The following RPS6KC1 variants were observed in gnomAD, a reference collection of about 807,000 sequenced individuals.
RPS6KC1 encodes the protein ribosomal protein S6 kinase C1.
A neutral mutation model predicts 103.8 loss-of-function variants in RPS6KC1; 54 were observed. The ratio of observed to expected loss-of-function variants is 0.52; its 90% CI spans 0.42 to 0.65. The LOEUF (loss-of-function observed/expected upper bound fraction) is 0.65. Ranked by LOEUF, RPS6KC1 falls within the 30% of genes least tolerant of loss-of-function variation. The pLI is 0.00. For synonymous variants in RPS6KC1, 439 were observed against 438.7 expected, an observed-to-expected ratio of 1.00 and a Z score of -0.01; for missense variants, 1,151 against 1,253.8, an observed-to-expected ratio of 0.92 and a Z score of 1.24.
chr1:213,861,100 T>C, the RPS6KC1 span, among the ~76,000 whole-genome samples: 1 of 152,182 alleles, frequency 6.6e-6, no homozygotes. Context: ...TGAGTCACCA[T>C]GCCCAGCTAA....
intron 8 of RPS6KC1, among the ~76,000 whole-genome samples, chr1:213,193,464 A>G (rs2092825207): frequency 6.6e-6 from 1 of 151,848 alleles, no homozygotes; most frequent in Non-Finnish European, 1.5e-5. Context: ...GTTTTACCAC[A>G]TTGGTCAGGC....
At chr1:213,494,905 A>T in the RPS6KC1 span, among the ~76,000 whole-genome samples, 1 of 150,962 alleles carries the variant, frequency 6.6e-6, no homozygotes, top group African/African-American at 2.4e-5. Context: ...TGATAATTTT[A>T]AAATCCTTTA....
chr1:213,233,156 T>C (rs2094143749), intron 10 of RPS6KC1, among the ~76,000 whole-genome samples: 1 of 152,178 alleles, frequency 6.6e-6, no homozygotes, highest in South Asian at 2.1e-4. Flanking sequence ...ATGGGGGCAG[T>C]AAACAATTAA....
chr1:213,646,791 A>G, the RPS6KC1 span, among the ~76,000 whole-genome samples: 3,249 of 152,072 alleles, frequency 0.021, 120 homozygotes, highest in African/African-American at 0.075. Context: ...CCCTCAGCAC[A>G]TGGGATAGAC....
intron 2 of RPS6KC1, 69 bp downstream of exon 2, chr1:213,071,110 AT>A: frequency 1.1e-6 from 1 of 933,960 alleles, no homozygotes; most frequent in South Asian, 1.6e-5. Context: ...TTTTGAGGAA[AT>A]TGCCTGAATC....
chr1:213,052,727 A>C (rs1011062492), intron 1 of RPS6KC1, among the ~76,000 whole-genome samples: 1 of 152,072 alleles, frequency 6.6e-6, no homozygotes, highest in African/African-American at 2.4e-5. Context: ...TTTTTAGTAG[A>C]GATGGGGTTT....
At chr1:213,668,208 C>G in the RPS6KC1 span, among the ~76,000 whole-genome samples, 1 of 151,828 alleles carries the variant, frequency 6.6e-6, no homozygotes, top group South Asian at 2.1e-4. Flanking sequence ...CTATTTATGA[C>G]AGCTAAAGCC....
the RPS6KC1 span, among the ~76,000 whole-genome samples, chr1:213,483,560 T>G: frequency 6.6e-6 from 1 of 152,228 alleles, no homozygotes; most frequent in African/African-American, 2.4e-5. Context: ...CTGCCAAACT[T>G]TTTCAAAGGG....
chr1:213,105,216 G>GTTT (rs79795539), intron 4 of RPS6KC1, among the ~76,000 whole-genome samples: 60 of 131,186 alleles, frequency 4.6e-4, no homozygotes, highest in African/African-American at 1.4e-3. Context: ...TTCATTTTAA[G>GTTT]TTTTTTTTTT....
chr1:213,164,811 C>G (rs1352378654), intron 6 of RPS6KC1, among the ~76,000 whole-genome samples: 2 of 152,186 alleles, frequency 1.3e-5, no homozygotes, highest in Non-Finnish European at 2.9e-5. Context: ...TCAAGCAGTT[C>G]TCTCACCTTG....
the RPS6KC1 span, among the ~76,000 whole-genome samples, chr1:213,734,014 A>G: frequency 6.6e-6 from 1 of 152,244 alleles, no homozygotes; most frequent in African/African-American, 2.4e-5. Flanking sequence ...CATCTTCCTA[A>G]TGGAAAAAAG....
intron 3 of RPS6KC1, among the ~76,000 whole-genome samples, chr1:213,088,369 A>AT (rs1031983337): frequency 1.6e-4 from 24 of 145,766 alleles, no homozygotes; most frequent in East Asian, 4.0e-4. Flanking sequence ...ATGGCTAATA[A>AT]TTTTTTTTTT....
chr1:213,277,436 A>G (rs772116419), downstream of RPS6KC1, among the ~76,000 whole-genome samples: 16 of 152,208 alleles, frequency 1.1e-4, no homozygotes, highest in Non-Finnish European at 2.4e-4. Context: ...TAAGAGAGAA[A>G]GTAACCTGAG....
At chr1:213,610,008 G>C in the RPS6KC1 span, among the ~76,000 whole-genome samples, 5 of 152,042 alleles carry the variant, frequency 3.3e-5, no homozygotes, top group Admixed American at 1.3e-4. Context: ...ATACATACAT[G>C]AACTTTTTCA....
At chr1:213,235,036 C>T (rs911457426) in intron 10 of RPS6KC1, among the ~76,000 whole-genome samples, 3 of 152,264 alleles carry the variant, frequency 2.0e-5, no homozygotes, top group East Asian at 1.9e-4. Context: ...GTGGCACCTC[C>T]GTAGATTAGG....
At chr1:213,326,715 A>G in the RPS6KC1 span, among the ~76,000 whole-genome samples, 2 of 152,242 alleles carry the variant, frequency 1.3e-5, no homozygotes, top group Middle Eastern at 3.2e-3. Flanking sequence ...GAAGAAAGGA[A>G]TAAATTACTT....
At chr1:213,657,283 G>T in the RPS6KC1 span, among the ~76,000 whole-genome samples, 1 of 152,060 alleles carries the variant, frequency 6.6e-6, no homozygotes, top group Non-Finnish European at 1.5e-5. Flanking sequence ...GAAGGCAAAG[G>T]TAGTGAATGA....
the RPS6KC1 span, among the ~76,000 whole-genome samples, chr1:213,421,880 T>G: frequency 6.6e-6 from 1 of 152,244 alleles, no homozygotes; most frequent in South Asian, 2.1e-4. Context: ...CGTCTCCCTC[T>G]GCCTAGTGTG....
At chr1:213,420,921 A>G in the RPS6KC1 span, among the ~76,000 whole-genome samples, 1 of 152,120 alleles carries the variant, frequency 6.6e-6, no homozygotes, top group Non-Finnish European at 1.5e-5. Context: ...GCATCACTCC[A>G]GTCTTCACAC....
Sources: gnomAD v4.1 joint callset for allele counts (sites outside exome capture counted in the v4.1 genomes callset) on GRCh38, gnomAD v4.1.1 for gene constraint, MANE v1.5 for transcripts, NCBI Gene and HGNC (gene_info 2026-07-23, HGNC 2026-07-21) for gene names.